TCP11L2: variants seen among roughly 807,000 people sequenced by gnomAD.
The protein encoded by TCP11L2 is t-complex 11 like 2, also known as T-complex protein 11-like protein 2.
TCP11L2 carries 39 observed loss-of-function variants against 50.7 expected under a neutral mutation model. That is an observed-to-expected ratio of 0.77 (90% CI 0.60 to 1.01). The LOEUF is 1.01. Among genes scored for constraint, TCP11L2 ranks in the 50% least tolerant of loss-of-function variants. The pLI is 0.00. For synonymous variants in TCP11L2, 192 were observed against 219.3 expected, an observed-to-expected ratio of 0.88 and a Z score of 1.10; for missense variants, 612 against 614.7, an observed-to-expected ratio of 1.00 and a Z score of 0.05.
At chr12:106,316,370 C>T (rs1376300371) in intron 3 of TCP11L2, among the ~76,000 whole-genome samples, 1 of 152,178 alleles carries the variant, frequency 6.6e-6, no homozygotes, top group African/African-American at 2.4e-5. Flanking sequence ...TTTCCTATGG[C>T]CTGGATGGCC....
chr12:106,312,817 G>A (rs1298329568), intron 2 of TCP11L2, among the ~76,000 whole-genome samples: 6 of 152,174 alleles, frequency 3.9e-5, no homozygotes, highest in Non-Finnish European at 7.3e-5. Context: ...GGGAGGTGGA[G>A]GTTGTAGTGA....
At chr12:106,314,242 C>G (rs1266671065) in intron 2 of TCP11L2, 116 bp from the exon 3 acceptor site, 2 of 1,078,072 alleles carry the variant, frequency 1.9e-6, no homozygotes, top group African/African-American at 3.1e-5. Flanking sequence ...GTCTCCTGAC[C>G]TATAAAACTC....
chr12:106,323,720 A>G (rs1432350837), intron 6 of TCP11L2, 74 bp downstream of exon 6: 2 of 417,860 alleles, frequency 4.8e-6, no homozygotes, highest in African/African-American at 6.0e-5. Flanking sequence ...AATTTAAATT[A>G]AATTAAATTA....
In TCP11L2 at chr12:106,302,785, TTAAA is replaced by T. The variant is rs1455012254; in HGVS notation, c.-189_-186del. On this transcript the variant is annotated 5_prime_UTR_variant, in exon 1 of 10. Coordinates refer to ENST00000299045, the MANE Select transcript of TCP11L2 (RefSeq NM_152772.3). ...CCTCCCTAGAGTCCCTCAGGGCCCTTTAAATACCGCGTTGGGGGGGACACTGGGG... is the reference window on the plus strand; with the variant it reads ...CCTCCCTAGAGTCCCTCAGGGCCCTTTACCGCGTTGGGGGGGACACTGGGG... 1.4e-5 allele frequency: 2 copies of T among 145,142 alleles called. No homozygotes were observed. The highest frequency in any genetic ancestry group is 3.0e-5 in the Non-Finnish European group (2 of 65,712). 9.0% of individuals were successfully genotyped at this position (145,142 alleles called of 1,614,324 possible). A position where few individuals can be genotyped will look rare whatever the true frequency, so the allele number is the denominator to read the frequency against.
rs763800671 is a variant in TCP11L2, at chr12:106,318,436, C to T, written c.386C>T (p.Ala129Val). 1.9e-6 allele frequency: 3 copies of T among 1,613,826 alleles called. No individual in the cohort carries two copies. The highest frequency in any genetic ancestry group is 4.5e-5 in the East Asian group (2 of 44,896). Reference sequence around the variant, plus strand: ...GCTGACCCTCCTGAGTTTGAACATGCCATCAAACTGTTTGAAGAAATCAGA... The same window carrying T: ...GCTGACCCTCCTGAGTTTGAACATGTCATCAAACTGTTTGAAGAAATCAGA... ...LNADPPEFEH[A>V]IKLFEEIREI... is the part of the protein sequence containing the mutation. The change falls in exon 4 of 10, where the codon GCC becomes GTC. Residue 129 changes from alanine (A) to valine (V), a missense_variant. Coordinates refer to ENST00000299045, the MANE Select transcript of TCP11L2 (RefSeq NM_152772.3).
intron 6 of TCP11L2, among the ~76,000 whole-genome samples, chr12:106,326,361 T>TCC (rs768591114): frequency 2.6e-5 from 4 of 151,942 alleles, no homozygotes; most frequent in Non-Finnish European, 5.9e-5. Context: ...CCATCCACCC[T>TCC]CCCTGTTGAC....
intron 8 of TCP11L2, among the ~76,000 whole-genome samples, chr12:106,338,255 C>T (rs557461704): frequency 6.6e-6 from 1 of 152,200 alleles, no homozygotes; most frequent in East Asian, 1.9e-4. Flanking sequence ...GTTTGGTGTA[C>T]CAGTGATTTC....
chr12:106,332,670 G>A (rs1257040657), intron 6 of TCP11L2, among the ~76,000 whole-genome samples: 1 of 152,174 alleles, frequency 6.6e-6, no homozygotes, highest in African/African-American at 2.4e-5. Context: ...GGTTCCTGAT[G>A]AGGGCTTTCT....
At chr12:106,300,683 A>G (rs184001279), upstream of TCP11L2, among the ~76,000 whole-genome samples, 1 of 152,206 alleles carries the variant, frequency 6.6e-6, no homozygotes, top group Non-Finnish European at 1.5e-5. Context: ...GGTAATTCAC[A>G]GAAGGGTTTT....
intron 8 of TCP11L2, among the ~76,000 whole-genome samples, chr12:106,336,567 T>C (rs2035927333): frequency 6.7e-6 from 1 of 149,880 alleles, no homozygotes; most frequent in South Asian, 2.1e-4. Context: ...TTTTTTTTTT[T>C]TTTTGAGACA....
At chr12:106,330,301 GTAAA>G in intron 6 of TCP11L2, 4 of 985,330 alleles carry the variant, frequency 4.1e-6, no homozygotes, top group Non-Finnish European at 4.8e-6. Context: ...TAGAGCAAAA[GTAAA>G]TAAAAACTAT....
At chr12:106,330,369 C>T (rs945436251) in intron 6 of TCP11L2, 1 of 941,882 alleles carries the variant, frequency 1.1e-6, no homozygotes, top group Non-Finnish European at 1.3e-6. Flanking sequence ...TGATTTTTGC[C>T]ACTGCCCCCG....
intron 6 of TCP11L2, chr12:106,330,251 TGA>T: frequency 2.0e-6 from 2 of 985,234 alleles, no homozygotes; most frequent in Non-Finnish European, 2.4e-6. Flanking sequence ...ATTTAGTTCA[TGA>T]TGTAAGAGAC....
intron 2 of TCP11L2, among the ~76,000 whole-genome samples, chr12:106,313,805 G>A (rs1011539927): frequency 5.9e-4 from 76 of 129,366 alleles, no homozygotes; most frequent in African/African-American, 2.0e-3. Context: ...TCACCCTGTC[G>A]TCCAGGCTGG....
At chr12:106,340,275 A>G (rs1438288903) in intron 8 of TCP11L2, among the ~76,000 whole-genome samples, 1 of 152,178 alleles carries the variant, frequency 6.6e-6, no homozygotes, top group African/African-American at 2.4e-5. Flanking sequence ...GACTCTATAT[A>G]TTGGAGATTA....
At chr12:106,332,622 C>G (rs1230504550) in intron 6 of TCP11L2, among the ~76,000 whole-genome samples, 1 of 152,202 alleles carries the variant, frequency 6.6e-6, no homozygotes. Flanking sequence ...TCACAGTTCT[C>G]AAGGCTGAAA....
chr12:106,308,404 T>C (rs2136614325), intron 1 of TCP11L2, among the ~76,000 whole-genome samples: 1 of 152,354 alleles, frequency 6.6e-6, no homozygotes, highest in Admixed American at 6.5e-5. Context: ...CTTTTCTGCC[T>C]TGTTAAACAC....
chr12:106,337,191 GA>G (rs1244023669), intron 8 of TCP11L2, among the ~76,000 whole-genome samples: 1 of 152,116 alleles, frequency 6.6e-6, no homozygotes, highest in African/African-American at 2.4e-5. Flanking sequence ...TCCTGTAATT[GA>G]AGGGAAATGC....
intron 6 of TCP11L2, chr12:106,324,206 T>C (rs1157315744): frequency 6.6e-6 from 1 of 152,222 alleles, no homozygotes; most frequent in Non-Finnish European, 1.5e-5. Context: ...TTAGATGTGA[T>C]GGACTGGGAA....
Sources: gnomAD v4.1 joint callset for allele counts (sites outside exome capture counted in the v4.1 genomes callset) on GRCh38, gnomAD v4.1.1 for gene constraint, MANE v1.5 for transcripts, NCBI Gene and HGNC (gene_info 2026-07-23, HGNC 2026-07-21) for gene names.